The following GRM5 variants were observed in gnomAD, a reference collection of about 807,000 sequenced individuals.
The protein encoded by GRM5 is metabotropic glutamate receptor 5.
A neutral mutation model predicts 83.1 loss-of-function variants in GRM5; 19 were observed. That is an observed-to-expected ratio of 0.23 (90% CI 0.16 to 0.34). The LOEUF is 0.34. GRM5 is among the 10% of genes least tolerant of loss of function. GRM5 has a pLI of 1.00. For synonymous variants in GRM5, 675 were observed against 633.6 expected (o/e 1.07, Z -0.98); for missense variants, 1,160 against 1,588.3 (o/e 0.73, Z 4.58).
At chr11:88,646,453 G>T (rs1591407581) in intron 4 of GRM5, among the ~76,000 whole-genome samples, 1 of 151,306 alleles carries the variant, frequency 6.6e-6, no homozygotes, top group African/African-American at 2.4e-5. Flanking sequence ...ACATTTAAGG[G>T]CCATAGTAAT....
intron 2 of GRM5, among the ~76,000 whole-genome samples, chr11:88,947,848 A>C (rs1938332762): frequency 6.6e-6 from 1 of 152,188 alleles, no homozygotes; most frequent in African/African-American, 2.4e-5. Context: ...TCATACTACT[A>C]TTAATAATAT....
intron 3 of GRM5, among the ~76,000 whole-genome samples, chr11:88,838,195 T>TAA (rs1201511442): frequency 2.0e-5 from 3 of 146,908 alleles, no homozygotes; most frequent in African/African-American, 5.0e-5. Context: ...TTGTGAGAAA[T>TAA]AAAAGAAATA....
intron 2 of GRM5, among the ~76,000 whole-genome samples, chr11:89,000,672 G>A (rs114885253): frequency 0.035 from 5,327 of 151,894 alleles, 286 homozygotes; most frequent in African/African-American, 0.12. Context: ...CCAAATACAA[G>A]ATTAATAAAA....
chr11:89,010,707 G>A (rs1940669437), intron 2 of GRM5, among the ~76,000 whole-genome samples: 1 of 151,136 alleles, frequency 6.6e-6, no homozygotes, highest in Admixed American at 6.6e-5. Flanking sequence ...TGACTAAGTG[G>A]AAACACAGAG....
intron 3 of GRM5, among the ~76,000 whole-genome samples, chr11:88,798,937 G>A (rs1001332476): frequency 7.3e-5 from 11 of 151,206 alleles, no homozygotes; most frequent in African/African-American, 2.7e-4. Context: ...TTCTAAGCTA[G>A]ATCTAGATGT....
chr11:88,844,017 C>T (rs1944254346), intron 3 of GRM5, among the ~76,000 whole-genome samples: 1 of 152,182 alleles, frequency 6.6e-6, no homozygotes, highest in African/African-American at 2.4e-5. Context: ...GCAGCAGGTG[C>T]AGACTGATAG....
At chr11:88,940,668 T>C (rs953325497) in intron 2 of GRM5, among the ~76,000 whole-genome samples, 2 of 151,770 alleles carry the variant, frequency 1.3e-5, no homozygotes, top group Non-Finnish European at 2.9e-5. Flanking sequence ...ATGTTGACTA[T>C]AAACCTATGG....
intron 2 of GRM5, among the ~76,000 whole-genome samples, chr11:88,962,566 C>T (rs1938818438): frequency 6.6e-6 from 1 of 152,046 alleles, no homozygotes; most frequent in African/African-American, 2.4e-5. Context: ...TAATTCCTGA[C>T]ATCTATCCAT....
At chr11:88,924,683 A>G (rs1032967821) in intron 2 of GRM5, among the ~76,000 whole-genome samples, 1 of 152,044 alleles carries the variant, frequency 6.6e-6, no homozygotes, top group African/African-American at 2.4e-5. Context: ...TAAGTCAAAA[A>G]TGTACAAACT....
chr11:89,023,336 A>C (rs1463302870), intron 2 of GRM5, among the ~76,000 whole-genome samples: 1 of 151,944 alleles, frequency 6.6e-6, no homozygotes, highest in Admixed American at 6.6e-5. Context: ...TCTCTTCTCC[A>C]TACTTCCCAG....
At chr11:88,665,543 G>A (rs999124540) in intron 3 of GRM5, among the ~76,000 whole-genome samples, 1 of 152,096 alleles carries the variant, frequency 6.6e-6, no homozygotes, top group Non-Finnish European at 1.5e-5. Context: ...TATAGAGGAA[G>A]AGTAAATAAT....
At chr11:89,051,877 A>AT (rs1334875241) in intron 1 of GRM5, among the ~76,000 whole-genome samples, 1 of 152,222 alleles carries the variant, frequency 6.6e-6, no homozygotes, top group Non-Finnish European at 1.5e-5. Flanking sequence ...CTAGCAAGAA[A>AT]TGATGGTGAC....
At chr11:88,858,154 T>C (rs1944505217) in intron 2 of GRM5, among the ~76,000 whole-genome samples, 1 of 152,058 alleles carries the variant, frequency 6.6e-6, no homozygotes, top group Non-Finnish European at 1.5e-5. Flanking sequence ...CCAAGGTGTT[T>C]ATTATTGGAA....
chr11:88,669,382 G>A lies in GRM5; in HGVS notation c.912-15979C>T, dbSNP rs148654969. Among the ~76,000 whole-genome samples, 242 of 152,124 alleles carry A rather than the reference G, an allele frequency of 1.6e-3. 1 individual carries two copies. Among genetic ancestry groups the A allele is most frequent in the African/African-American group, 5.6e-3 (233 of 41,544 alleles). On this transcript the variant is annotated intron_variant, in intron 3 of 9. Coordinates refer to ENST00000305447, the MANE Select transcript of GRM5 (RefSeq NM_001143831.3). The stretch of plus-strand genomic sequence containing the variant: ...AGTGAAGATAACACAACAGTAAAAT[G>A]TTGAAATATTTCTTCCTGATATCCA...
rs7109184 is a variant in GRM5 at position 88,544,779 on chromosome 11, C to A, written c.2631-19375G>T. Among the ~76,000 whole-genome samples the A allele has an allele frequency of 2.2e-3, 339 of 152,310 alleles. 4 individuals are homozygous for A. The highest frequency in any genetic ancestry group is 7.8e-3 in the African/African-American group (323 of 41,578). ...AAGCAAGCAAGAAGTCTGTCAAGAACTGAAACTCATTACAAGAGGAGGCTG... is the reference window on the plus strand; with the variant it reads ...AAGCAAGCAAGAAGTCTGTCAAGAAATGAAACTCATTACAAGAGGAGGCTG... On this transcript the variant is annotated intron_variant, in intron 8 of 9. Coordinates refer to ENST00000305447, the MANE Select transcript of GRM5 (RefSeq NM_001143831.3).
chr11:89,048,931 C>T (rs1291819954), intron 1 of GRM5, among the ~76,000 whole-genome samples: 9 of 152,246 alleles, frequency 5.9e-5, no homozygotes, highest in African/African-American at 2.2e-4. Context: ...GCTAGGCTGT[C>T]CCTTATGGGA....
chr11:88,815,097 A>G (rs1377856552), intron 3 of GRM5, among the ~76,000 whole-genome samples: 1 of 152,210 alleles, frequency 6.6e-6, no homozygotes, highest in African/African-American at 2.4e-5. Context: ...AATTTATAGA[A>G]TATTCCACCA....
intron 2 of GRM5, among the ~76,000 whole-genome samples, chr11:88,864,568 T>G (rs773608284): frequency 7.2e-5 from 11 of 152,064 alleles, no homozygotes; most frequent in Non-Finnish European, 1.3e-4. Flanking sequence ...AAGGAGATTT[T>G]GGGCTGAGAT....
At chr11:89,029,689 G>A (rs1941216272) in intron 2 of GRM5, among the ~76,000 whole-genome samples, 5 of 152,122 alleles carry the variant, frequency 3.3e-5, no homozygotes, top group Admixed American at 3.3e-4. Context: ...TTTTACAGGA[G>A]TCATTGTGGT....
Sources: gnomAD v4.1 joint callset for allele counts (sites outside exome capture counted in the v4.1 genomes callset) on GRCh38, gnomAD v4.1.1 for gene constraint, MANE v1.5 for transcripts, NCBI Gene and HGNC (gene_info 2026-07-23, HGNC 2026-07-21) for gene names.